The following EPB41L1 variants were observed in gnomAD, a reference collection of about 807,000 sequenced individuals.
The protein encoded by EPB41L1 is erythrocyte membrane protein band 4.1 like 1.
EPB41L1 carries 29 observed loss-of-function variants against 97.8 expected under a neutral mutation model. That is an observed-to-expected ratio of 0.30 (90% CI 0.22 to 0.40). The LOEUF is 0.40. Among genes scored for constraint, EPB41L1 ranks in the 10% least tolerant of loss-of-function variants. The pLI is 1.00. For synonymous variants in EPB41L1, 383 were observed against 459.2 expected, an observed-to-expected ratio of 0.83 and a Z score of 2.12; for missense variants, 812 against 1,162.3, an observed-to-expected ratio of 0.70 and a Z score of 4.38.
intron 2 of EPB41L1, among the ~76,000 whole-genome samples, chr20:36,139,958 G>A (rs925414583): frequency 6.6e-6 from 1 of 152,050 alleles, no homozygotes; most frequent in Non-Finnish European, 1.5e-5. Flanking sequence ...TCGAACTCCC[G>A]ACCTCAGGTG....
chr20:36,189,935 A>G lies in EPB41L1; in HGVS notation c.1027-342A>G, dbSNP rs896058302. ...AAGAATGACTCACGTCTGTAATCCC[A>G]GCATTTTGGGAGGCTGAGGTGGGAG... On this transcript the variant is annotated intron_variant, in intron 9 of 21. Coordinates refer to ENST00000338074, the MANE Select transcript of EPB41L1 (RefSeq NM_012156.2). Among the ~76,000 whole-genome samples, 14 of 152,210 alleles carry G rather than the reference A, an allele frequency of 9.2e-5. 1 individual carries two copies. The highest frequency in any genetic ancestry group is 3.4e-4 in the African/African-American group (14 of 41,448).
chr20:36,096,134 A>G (rs2147460219), intron 1 of EPB41L1, among the ~76,000 whole-genome samples: 1 of 152,234 alleles, frequency 6.6e-6, no homozygotes, highest in East Asian at 1.9e-4. Flanking sequence ...AAACACAGGT[A>G]ATTCTTATTT....
At chr20:36,107,816 G>A (rs2058249946) in intron 1 of EPB41L1, among the ~76,000 whole-genome samples, 2 of 150,376 alleles carry the variant, frequency 1.3e-5, no homozygotes, top group South Asian at 4.2e-4. Context: ...GCGACAGAGT[G>A]AGACTCCATC....
Position 36,092,706 on chromosome 20 carries a change from C to A in EPB41L1, c.-65+1094C>A, listed in dbSNP as rs529016218. The A allele has an allele frequency of 2.6e-5, 4 of 151,718 alleles. No homozygotes were observed. Among genetic ancestry groups the A allele is most frequent in the Non-Finnish European group, 5.9e-5 (4 of 67,912 alleles). 9.4% of individuals were successfully genotyped at this position (151,718 alleles called of 1,614,324 possible). A position where few individuals can be genotyped will look rare whatever the true frequency, so the allele number is the denominator to read the frequency against. ...GAGCAGGAGCGAGCGCGCGAGAGAGCGGGGCATTTCTGCGCAGCTCTAGCG... is the reference window on the plus strand; with the variant it reads ...GAGCAGGAGCGAGCGCGCGAGAGAGAGGGGCATTTCTGCGCAGCTCTAGCG... On this transcript the variant is annotated intron_variant, in intron 1 of 19. Coordinates refer to the EPB41L1 transcript ENST00000202028. This position sits in a 1 kb window ranked among gnomAD's most constrained non-coding sequence, Gnocchi z 7.0.
intron 2 of EPB41L1, among the ~76,000 whole-genome samples, chr20:36,120,128 G>A (rs957424308): frequency 6.6e-6 from 1 of 152,204 alleles, no homozygotes; most frequent in African/African-American, 2.4e-5. Flanking sequence ...CATTAAAACA[G>A]ATGACCATTT....
chr20:36,117,777 C>T (rs763058338), intron 2 of EPB41L1, among the ~76,000 whole-genome samples: 1 of 152,210 alleles, frequency 6.6e-6, no homozygotes, highest in Non-Finnish European at 1.5e-5. Flanking sequence ...TAGTCCCTCT[C>T]TACATCCAGG....
chr20:36,192,959 T>G (rs1409200927), intron 11 of EPB41L1, among the ~76,000 whole-genome samples: 1 of 152,214 alleles, frequency 6.6e-6, no homozygotes, highest in Admixed American at 6.5e-5. Context: ...GAGACCTGTC[T>G]CAGGACTCCT....
chr20:36,102,031 CAAAACAAAA>C (rs1262868572), intron 1 of EPB41L1, among the ~76,000 whole-genome samples: 2 of 147,172 alleles, frequency 1.4e-5, no homozygotes, highest in Non-Finnish European at 3.0e-5. Flanking sequence ...CAAAACAAAA[CAAAACAAAA>C]AAAACAAAAA....
intron 1 of EPB41L1, among the ~76,000 whole-genome samples, chr20:36,170,772 C>T (rs777075650): frequency 3.5e-4 from 53 of 152,086 alleles, no homozygotes; most frequent in Admixed American, 5.9e-4. Flanking sequence ...GACTGTCAGT[C>T]GTCTTTTTTG....
At chr20:36,156,497 G>A (rs1183682986) in intron 1 of EPB41L1, among the ~76,000 whole-genome samples, 2 of 152,208 alleles carry the variant, frequency 1.3e-5, no homozygotes, top group Non-Finnish European at 2.9e-5. Context: ...AGGTCACAAA[G>A]CAGCTGAGCG....
At position 36,190,468 on chromosome 20, in the gene EPB41L1, G is replaced by GGGTGGAGGACTT; in HGVS notation, c.1124+94_1124+95insGGTGGAGGACTT. The GGGTGGAGGACTT allele has an allele frequency of 6.5e-7, 1 of 1,528,952 alleles. No individual in the cohort carries two copies. Among genetic ancestry groups the GGGTGGAGGACTT allele is most frequent in the Non-Finnish European group, 9.0e-7 (1 of 1,115,656 alleles). 94.7% of individuals were successfully genotyped at this position (1,528,952 alleles called of 1,614,324 possible). On this transcript the variant is annotated intron_variant, in intron 10 of 21. Transcript: ENST00000338074. The surrounding 1 kb of genome is among the most constrained non-coding windows in gnomAD (Gnocchi z 5.8). The stretch of plus-strand genomic sequence containing the variant: ...AGGAGTTAGTGAGAACTCTAGGAAA[G>GGGTGGAGGACTT]TCCTCCACCCTTTCCCCAAGTCCCT...
rs772109779 is a variant in EPB41L1, at chr20:36,221,761, G to A, written c.2440-103G>A. On this transcript the variant is annotated intron_variant, in intron 19 of 21. Coordinates refer to ENST00000338074, the MANE Select transcript of EPB41L1 (RefSeq NM_012156.2). ...GAAGTCAGGAGAGAAGGTAACTGCT[G>A]GTTCTCAGCCCTGCCCTCGAGAGAT... The A allele has an allele frequency of 6.2e-5, 61 of 987,634 alleles. 1 individual carries two copies. The highest frequency in any genetic ancestry group is 9.9e-5 in the Non-Finnish European group (61 of 614,598). 61.2% of individuals were successfully genotyped at this position (987,634 alleles called of 1,614,324 possible).
At chr20:36,160,444 G>A (rs1233684480) in intron 1 of EPB41L1, among the ~76,000 whole-genome samples, 2 of 152,108 alleles carry the variant, frequency 1.3e-5, no homozygotes, top group Non-Finnish European at 1.5e-5. Flanking sequence ...AGTTAGCCGG[G>A]CATGGTGGCT....
chr20:36,224,261 A>AT (rs1444467744), intron 21 of EPB41L1, among the ~76,000 whole-genome samples: 1 of 152,244 alleles, frequency 6.6e-6, no homozygotes, highest in East Asian at 1.9e-4. Flanking sequence ...AAAATTTAAT[A>AT]TAAAAAAAGT....
At chr20:36,170,317 C>T (rs925393154) in intron 1 of EPB41L1, among the ~76,000 whole-genome samples, 1 of 152,126 alleles carries the variant, frequency 6.6e-6, no homozygotes, top group Non-Finnish European at 1.5e-5. Context: ...CCAAGAACTA[C>T]AGTTAAACAG....
chr20:36,218,489 A>C (rs2147014532), intron 17 of EPB41L1, among the ~76,000 whole-genome samples: 1 of 152,276 alleles, frequency 6.6e-6, no homozygotes, highest in East Asian at 1.9e-4. Context: ...TTTACAGATG[A>C]ATCTGTGAGG....
chr20:36,178,778 C>G, intron 5 of EPB41L1, 106 bp downstream of exon 5: 1 of 1,261,938 alleles, frequency 7.9e-7, no homozygotes, highest in Non-Finnish European at 1.2e-6. Flanking sequence ...CATTTCAGGC[C>G]AGGCGTTGTG....
At chr20:36,166,120 G>A (rs2060729003) in intron 1 of EPB41L1, among the ~76,000 whole-genome samples, 1 of 152,216 alleles carries the variant, frequency 6.6e-6, no homozygotes. Context: ...TGCAGCCCAG[G>A]TCTCCATCCT....
intron 16 of EPB41L1, among the ~76,000 whole-genome samples, chr20:36,214,020 G>A (rs1002955286): frequency 1.3e-5 from 2 of 151,820 alleles, no homozygotes; most frequent in Non-Finnish European, 2.9e-5. Flanking sequence ...CACTATCAGC[G>A]CTCGTGAATT....
Sources: gnomAD v4.1 joint callset for allele counts (sites outside exome capture counted in the v4.1 genomes callset) on GRCh38, gnomAD v4.1.1 for gene constraint, Gnocchi (gnomAD v3.1) non-coding constraint, MANE v1.5 for transcripts, NCBI Gene and HGNC (gene_info 2026-07-23, HGNC 2026-07-21) for gene names.